Variants in CLSTN2 observed in about 807,000 individuals in gnomAD.
CLSTN2 encodes calsyntenin-2.
A neutral mutation model predicts 101.2 loss-of-function variants in CLSTN2; 48 were observed. That is an observed-to-expected ratio of 0.47 (90% confidence interval 0.38 to 0.60). CLSTN2 has a LOEUF of 0.60. Ranked by LOEUF, CLSTN2 falls within the 20% of genes least tolerant of loss-of-function variation. The pLI is 0.00. For synonymous variants in CLSTN2, 481 were observed against 463.6 expected (o/e 1.04, Z -0.48); for missense variants, 1,160 against 1,238.2 (o/e 0.94, Z 0.95).
intron 2 of CLSTN2, among the ~76,000 whole-genome samples, chr3:140,349,519 T>C (rs2087583935): frequency 6.6e-6 from 1 of 152,198 alleles, no homozygotes; most frequent in Non-Finnish European, 1.5e-5. Flanking sequence ...GTTCCCTTAA[T>C]ACAATCCTGT....
chr3:140,168,825 G>T (rs1348961433), intron 1 of CLSTN2, among the ~76,000 whole-genome samples: 1 of 151,940 alleles, frequency 6.6e-6, no homozygotes, highest in Non-Finnish European at 1.5e-5. Context: ...TCTATTTCTG[G>T]ACTGTTTCTT....
chr3:140,546,426 G>T lies in CLSTN2; in HGVS notation c.1508-89G>T. On this transcript the variant is annotated intron_variant, in intron 9 of 16. Transcript: ENST00000458420. ...CAGGTTCAGGGGACACACAATCAAG[G>T]CGTCTTTGGCTGCATGGCCAAGTGG... 3.0e-6 allele frequency: 4 copies of T among 1,351,488 alleles called. No homozygotes were observed. The South Asian group carries it at 5.6e-5, about 19-fold the overall frequency. 83.7% of individuals were successfully genotyped at this position (1,351,488 alleles called of 1,614,324 possible).
intron 2 of CLSTN2, among the ~76,000 whole-genome samples, chr3:140,245,724 G>C (rs1002468777): frequency 1.2e-4 from 19 of 152,164 alleles, no homozygotes; most frequent in Non-Finnish European, 2.4e-4. Context: ...ACAATAAGTA[G>C]ATCTTTCCCT....
intron 2 of CLSTN2, among the ~76,000 whole-genome samples, chr3:140,319,685 TAG>T (rs2087263371): frequency 6.6e-6 from 1 of 152,204 alleles, no homozygotes; most frequent in Non-Finnish European, 1.5e-5. Context: ...TTGTCAGGAA[TAG>T]AGAGATGACA....
At chr3:140,034,748 C>A (rs1021775237) in intron 1 of CLSTN2, among the ~76,000 whole-genome samples, 1 of 152,214 alleles carries the variant, frequency 6.6e-6, no homozygotes, top group Non-Finnish European at 1.5e-5. Context: ...CCTCCAACCT[C>A]CTCACTCTGT....
intron 1 of CLSTN2, among the ~76,000 whole-genome samples, chr3:139,941,355 G>C (rs1219416784): frequency 6.6e-6 from 1 of 152,112 alleles, no homozygotes; most frequent in Non-Finnish European, 1.5e-5. Context: ...TAGAATGAGA[G>C]TTAGCCCTTC....
At chr3:140,211,735 A>AC (rs2010858175) in intron 2 of CLSTN2, among the ~76,000 whole-genome samples, 1 of 151,922 alleles carries the variant, frequency 6.6e-6, no homozygotes, top group South Asian at 2.1e-4. Context: ...AACCTAAATA[A>AC]CCCACCCCTT....
At chr3:139,936,420 T>C (rs1935023007) in intron 1 of CLSTN2, among the ~76,000 whole-genome samples, 1 of 152,164 alleles carries the variant, frequency 6.6e-6, no homozygotes, top group Admixed American at 6.5e-5. Flanking sequence ...CACAGCTTAG[T>C]GATAACTTGT....
intron 1 of CLSTN2, among the ~76,000 whole-genome samples, chr3:140,174,424 G>C (rs1262856393): frequency 2.6e-5 from 4 of 152,086 alleles, no homozygotes; most frequent in Non-Finnish European, 4.4e-5. Context: ...GTCTTCTTCT[G>C]AGCCCTCCAA....
intron 10 of CLSTN2, among the ~76,000 whole-genome samples, chr3:140,550,608 C>G (rs1414096411): frequency 6.6e-6 from 1 of 152,124 alleles, no homozygotes; most frequent in Non-Finnish European, 1.5e-5. Flanking sequence ...CTGTTCCAGG[C>G]AGGCACAGTT....
intron 1 of CLSTN2, among the ~76,000 whole-genome samples, chr3:140,168,903 G>A (rs2010172946): frequency 6.6e-6 from 1 of 152,046 alleles, no homozygotes; most frequent in South Asian, 2.1e-4. Context: ...TAGGTTTGCA[G>A]TAAGTTTCAA....
Position 140,137,203 on chromosome 3 carries a change from G to A in CLSTN2, c.110-38748G>A, listed in dbSNP as rs113624880. Among the ~76,000 whole-genome samples, 884 of 152,198 alleles carry A rather than the reference G, an allele frequency of 5.8e-3. 5 individuals carry two copies. Among genetic ancestry groups the A allele is most frequent in the African/African-American group, 0.02 (830 of 41,516 alleles). ...CTTTCTCCTGCCCCAGCCCCAGAAG[G>A]GCTCAGGATCCCAATGATACAAAAT... On this transcript the variant is annotated intron_variant, in intron 1 of 16. Transcript: ENST00000458420.
intron 2 of CLSTN2, among the ~76,000 whole-genome samples, chr3:140,301,991 T>G (rs2107910323): frequency 6.6e-6 from 1 of 152,350 alleles, no homozygotes; most frequent in East Asian, 1.9e-4. Context: ...AAATATATTT[T>G]TAAGAAGGCA....
intron 1 of CLSTN2, among the ~76,000 whole-genome samples, chr3:139,967,233 G>A (rs1037245523): frequency 1.3e-5 from 2 of 152,192 alleles, no homozygotes; most frequent in Non-Finnish European, 1.5e-5. Flanking sequence ...TACTTTGAAA[G>A]GAGGTCTGTA....
At chr3:140,556,289 C>A (rs1370359475) in intron 10 of CLSTN2, among the ~76,000 whole-genome samples, 1 of 152,074 alleles carries the variant, frequency 6.6e-6, no homozygotes, top group Non-Finnish European at 1.5e-5. Context: ...CAGGCACAGT[C>A]CCTGGAAAGA....
At chr3:140,296,971 TG>T (rs1433467161) in intron 2 of CLSTN2, among the ~76,000 whole-genome samples, 2 of 152,120 alleles carry the variant, frequency 1.3e-5, no homozygotes, top group Non-Finnish European at 2.9e-5. Context: ...GCTGGGTGGA[TG>T]GGTGGATGGT....
At chr3:140,434,479 T>C (rs1443798319) in intron 5 of CLSTN2, among the ~76,000 whole-genome samples, 1 of 152,148 alleles carries the variant, frequency 6.6e-6, no homozygotes, top group Non-Finnish European at 1.5e-5. Flanking sequence ...AGGTGAGCAC[T>C]CCATTCCAAT....
At chr3:140,539,130 G>A (rs1473362396) in intron 9 of CLSTN2, among the ~76,000 whole-genome samples, 5 of 150,516 alleles carry the variant, frequency 3.3e-5, no homozygotes, top group Admixed American at 2.6e-4. Context: ...ATCTATAGAA[G>A]GTTAATAATT....
chr3:140,040,992 A>G (rs2007750629), intron 1 of CLSTN2, among the ~76,000 whole-genome samples: 1 of 152,166 alleles, frequency 6.6e-6, no homozygotes, highest in Non-Finnish European at 1.5e-5. Flanking sequence ...GAAGGAAATA[A>G]GTGCTCTCCA....
Sources: allele counts gnomAD v4.1 joint callset (sites outside exome capture counted in the v4.1 genomes callset), GRCh38; gene constraint gnomAD v4.1.1; transcripts MANE v1.5; gene names NCBI Gene and HGNC (gene_info 2026-07-23, HGNC 2026-07-21).